The following PSMD2 variants were observed in gnomAD, a reference collection of about 807,000 sequenced individuals.
PSMD2 encodes proteasome 26S subunit ubiquitin receptor, non-ATPase 2.
In PSMD2, 8 loss-of-function variants were observed where a neutral mutation model predicts 101.5. The observed-to-expected ratio is 0.08, with a 90% CI of 0.05 to 0.14. PSMD2 has a LOEUF of 0.14. Among genes scored for constraint, PSMD2 ranks in the 10% least tolerant of loss-of-function variants. The pLI is 1.00. For synonymous variants in PSMD2, 418 were observed against 433.8 expected, an observed-to-expected ratio of 0.96 and a Z score of 0.45; for missense variants, 784 against 1,147.4, an observed-to-expected ratio of 0.68 and a Z score of 4.58.
rs1458873339 is a variant in PSMD2 at position 184,307,647 on chromosome 3, G to A, written c.2237G>A (p.Arg746His). 2 of 1,614,090 alleles carry A rather than the reference G, an allele frequency of 1.2e-6. No homozygotes were observed. Among genetic ancestry groups the A allele is most frequent in the South Asian group, 1.1e-5 (1 of 91,088 alleles). The change falls in exon 18 of 21, where the codon CGC becomes CAC. Residue 746 changes from arginine (R) to histidine (H), a missense_variant. Physicochemically the swap from Arg to His is conservative, Grantham distance 29 (BLOSUM62 0). Transcript: ENST00000310118. ...AATGCCCGTCTGGCTGCAATGCTGC[G>A]CCAGTTAGCTCAATATCATGCCAAG... Reference protein sequence around the residue: ...TNNARLAAMLRQLAQYHAKDP... With the variant: ...TNNARLAAMLHQLAQYHAKDP...
chr3:184,307,285 T>A, intron 16 of PSMD2, 72 bp from the exon 17 acceptor site: 1 of 1,530,216 alleles, frequency 6.5e-7, no homozygotes, highest in East Asian at 2.3e-5. Context: ...CTTTTACCCA[T>A]CAGTCCACTC....
chr3:184,300,591 C>T, intron 3 of PSMD2, 147 bp downstream of exon 3: 1 of 1,429,944 alleles, frequency 7.0e-7, no homozygotes, highest in South Asian at 1.6e-5. Context: ...AAAATATCTA[C>T]AGAAGAGCTG....
chr3:184,302,681 T>C lies in PSMD2; in HGVS notation c.866T>C (p.Val289Ala). Residue 289 changes from valine to alanine, a missense_variant and splice_region_variant, in exon 7 of 21, where the codon GTA (valine) becomes GCA (alanine). Physicochemically the swap from Val to Ala is moderately conservative, Grantham distance 64 (BLOSUM62 0). Around this residue, in one of 6 missense-constraint regions of PSMD2, gnomAD observed 208 missense variants for 301.6 expected, o/e 0.69. Transcript: ENST00000310118. ...AGATGTACGGGCTCTCTCCACAGGG[T>C]AGTACAGAAACAGATGGCATTCATG... ...EDIFTSCKDV[V>A]VQKQMAFMLG... 1 of 1,613,870 alleles carries C rather than the reference T, an allele frequency of 6.2e-7. No individual in the cohort carries two copies. Among genetic ancestry groups the C allele is most frequent in the Non-Finnish European group, 8.5e-7 (1 of 1,179,984 alleles).
chr3:184,307,310 G>C (rs756375616), intron 16 of PSMD2, 47 bp from the exon 17 acceptor site: 9 of 1,595,288 alleles, frequency 5.6e-6, no homozygotes, highest in Non-Finnish European at 7.7e-6. Flanking sequence ...AATGGAATTT[G>C]TTTTTACTGC....
rs146926317 is a variant in PSMD2, at chr3:184,302,000, T to G, written c.633T>G (p.Ile211Met). 6.2e-7 allele frequency: 1 copy of G among 1,614,216 alleles called. No individual in the cohort carries two copies. Among genetic ancestry groups the G allele is most frequent in the African/African-American group, 1.3e-5 (1 of 75,044 alleles). The change falls in exon 5 of 21, where the codon ATT (isoleucine) becomes ATG (methionine). Residue 211 changes from isoleucine to methionine, a missense_variant. Ile to Met is a conservative substitution (Grantham distance 10, BLOSUM62 1). Transcript: ENST00000310118. ...EHEACDLLME[I>M]EQVDMLEKDI... ...AGGCTTGCGACCTGCTTATGGAAAT[T>G]GAGCAGGTGGACATGCTGGAGAAGG...
At chr3:184,300,649 G>A in intron 3 of PSMD2, 4 of 1,354,642 alleles carry the variant, frequency 3.0e-6, no homozygotes, top group Non-Finnish European at 3.8e-6. Context: ...CATGTGTATT[G>A]GACTTTGGGG....
At position 184,304,628 on chromosome 3, in the gene PSMD2, A is replaced by G. The variant is rs1721767690; in HGVS notation, c.1539+237A>G. 1.3e-5 allele frequency among the ~76,000 whole-genome samples: 2 copies of G among 152,250 alleles called. No homozygotes were observed. The highest frequency in any genetic ancestry group is 4.8e-5 in the African/African-American group (2 of 41,546). On this transcript the variant is annotated intron_variant, in intron 12 of 20. Transcript: ENST00000310118. The surrounding 1 kb of genome is among the most constrained non-coding windows in gnomAD (Gnocchi z 4.1). Reference sequence around the variant, plus strand: ...AGGCCTGGCACGGTGGCTCGTGCCTATAATCCCAGCACTTTGGGAGGCTGC... The same window carrying G: ...AGGCCTGGCACGGTGGCTCGTGCCTGTAATCCCAGCACTTTGGGAGGCTGC...
chr3:184,300,533 C>T (rs1183398213), intron 3 of PSMD2, 89 bp downstream of exon 3: 3 of 1,514,308 alleles, frequency 2.0e-6, no homozygotes, highest in Non-Finnish European at 2.7e-6. Flanking sequence ...TCACAGGAAG[C>T]CTGATAGACC....
At chr3:184,303,187 C>G in intron 8 of PSMD2, 125 bp downstream of exon 8, 1 of 1,496,888 alleles carries the variant, frequency 6.7e-7, no homozygotes. Flanking sequence ...TTTTTCAGGT[C>G]ACTGCTTGGG....
At position 184,303,989 on chromosome 3, in the gene PSMD2, C is replaced by T. The variant is rs377110401; in HGVS notation, c.1366C>T (p.Arg456Trp). ...CTGTGGCATAGTGAACTCTGGGGTC[C>T]GGAATGAGTGTGACCCTGCTCTGGC... The part of the protein sequence containing the change: ...LACGIVNSGV[R>W]NECDPALALL... Residue 456 changes from arginine (R) to tryptophan (W), a missense_variant, in exon 11 of 21, where the codon CGG becomes TGG. This residue lies in a region of PSMD2 where 37 missense variants were observed against 107.0 expected (regional missense o/e 0.35). Coordinates refer to ENST00000310118, the MANE Select transcript of PSMD2 (RefSeq NM_002808.5). 5 of 1,614,048 alleles carry T rather than the reference C, an allele frequency of 3.1e-6. No individual in the cohort carries two copies. In the African/African-American group the frequency reaches 4.0e-5, roughly 13 times the overall value.
rs1721640000 is a variant in PSMD2, at chr3:184,301,457, CAAT to C, written c.358-79_358-77del. ...TATGTAGTTAGTTCAGTTTCGGAGA[CAAT>C]GATCTTGATTCCACAATGCATGCTC... On this transcript the variant is annotated intron_variant, in intron 3 of 20. Coordinates refer to ENST00000310118, the MANE Select transcript of PSMD2 (RefSeq NM_002808.5). 10 of 1,539,558 alleles carry C rather than the reference CAAT, an allele frequency of 6.5e-6. No homozygotes were observed. The South Asian group carries it at 1.1e-4, about 18-fold the overall frequency.
At chr3:184,302,103 C>T in intron 5 of PSMD2, 32 bp downstream of exon 5, 1 of 1,601,830 alleles carries the variant, frequency 6.2e-7, no homozygotes, top group Non-Finnish European at 8.6e-7. Context: ...GGGTGGCAGG[C>T]ATGCCCTCCT....
rs1052445034 is a variant in PSMD2, at chr3:184,300,515, A to G, written c.357+71A>G. On this transcript the variant is annotated intron_variant, in intron 3 of 20. Transcript: ENST00000310118. Reference sequence around the variant, plus strand: ...TTTTACCCAGATCATGGGGGGACTCATTGTGAGTCACAGGAAGCCTGATAG... The same window carrying G: ...TTTTACCCAGATCATGGGGGGACTCGTTGTGAGTCACAGGAAGCCTGATAG... 2.1e-5 allele frequency: 33 copies of G among 1,547,374 alleles called. No homozygotes were observed. The Admixed American group carries it at 5.2e-4, about 24-fold the overall frequency.
Position 184,305,871 on chromosome 3 carries a change from C to G in PSMD2, c.1643C>G (p.Thr548Ser). The G allele has an allele frequency of 6.2e-7, 1 of 1,614,234 alleles. No homozygotes were observed. The highest frequency in any genetic ancestry group is 8.5e-7 in the Non-Finnish European group (1 of 1,180,042). ...CAGACCATCATGGAGAAGTCAGAGA[C>G]TGAGCTCAAGGATACTTATGCTCGT... ...ILQTIMEKSE[T>S]ELKDTYARWL... Residue 548 changes from threonine (T) to serine (S), a missense_variant, in exon 13 of 21, where the codon ACT becomes AGT. Physicochemically the swap from Thr to Ser is moderately conservative, Grantham distance 58 (BLOSUM62 1). This residue lies in a region of PSMD2 where 282 missense variants were observed against 437.6 expected (regional missense o/e 0.64). Transcript: ENST00000310118.
chr3:184,305,379 C>T (rs112978609), intron 12 of PSMD2, among the ~76,000 whole-genome samples: 14 of 151,888 alleles, frequency 9.2e-5, no homozygotes, highest in African/African-American at 2.2e-4. Flanking sequence ...GTCCCAGCTA[C>T]TTGGGAGGCT....
chr3:184,303,538 TATCTGACAAGGG>T, intron 9 of PSMD2, 72 bp downstream of exon 9: 1 of 1,604,886 alleles, frequency 6.2e-7, no homozygotes, highest in Non-Finnish European at 8.5e-7. Context: ...AGTCATAAGT[TATCTGACAAGGG>T]ATCCACCATG....
At chr3:184,307,851 T>C in intron 18 of PSMD2, 39 bp from the exon 19 acceptor site, 1 of 1,613,706 alleles carries the variant, frequency 6.2e-7, no homozygotes, top group South Asian at 1.1e-5. Context: ...GTCTCCTCAG[T>C]GGTAACTCCT....
At position 184,306,546 on chromosome 3, in the gene PSMD2, A is replaced by G. The variant is rs201558567; in HGVS notation, c.1950+51A>G. 727 of 1,582,564 alleles carry G rather than the reference A, an allele frequency of 4.6e-4. 1 individual carries two copies. Among genetic ancestry groups the G allele is most frequent in the Non-Finnish European group, 5.7e-4 (667 of 1,166,974 alleles). On this transcript the variant is annotated intron_variant, in intron 15 of 20. Coordinates refer to ENST00000310118, the MANE Select transcript of PSMD2 (RefSeq NM_002808.5). ...AGAGAGGCTGTGAGAAGAGATAAGC[A>G]TATAGGGGAGGCTGGGTTTGGTTTT... is the stretch of plus-strand genomic sequence containing the variant.
intron 7 of PSMD2, 51 bp from the exon 8 acceptor site, chr3:184,302,951 C>T: frequency 6.2e-7 from 1 of 1,611,004 alleles, no homozygotes; most frequent in African/African-American, 1.3e-5. Context: ...GCAGAAGGGA[C>T]AGCTGGGGGA....
Sources: gnomAD v4.1 joint callset for allele counts (sites outside exome capture counted in the v4.1 genomes callset) on GRCh38, gnomAD v4.1.1 for gene constraint, gnomAD v4.1.1 regional missense constraint, Gnocchi (gnomAD v3.1) non-coding constraint, MANE v1.5 for transcripts, NCBI Gene and HGNC (gene_info 2026-07-23, HGNC 2026-07-21) for gene names.